The following CHST3 variants were observed in gnomAD, a reference collection of about 807,000 sequenced individuals.
The protein encoded by CHST3 is C6ST-1.
CHST3 carries 20 observed loss-of-function variants against 35.4 expected under a neutral mutation model. The ratio of observed to expected loss-of-function variants is 0.57; its 90% CI spans 0.40 to 0.82. The LOEUF (loss-of-function observed/expected upper bound fraction) is 0.82. CHST3 is among the 40% of genes least tolerant of loss of function. The pLI is 0.00. For synonymous variants in CHST3, 334 were observed against 295.9 expected (o/e 1.13, Z -1.32); for missense variants, 693 against 670.1 (o/e 1.03, Z -0.38).
chr10:71,992,749 C>CTCCCAGAT, intron 1 of CHST3, among the ~76,000 whole-genome samples: 1 of 151,466 alleles, frequency 6.6e-6, no homozygotes, highest in South Asian at 2.1e-4. Flanking sequence ...CAACCTCCAC[C>CTCCCAGAT]TCCCAGATTC....
At chr10:72,002,374 AC>A (rs1476479852) in intron 1 of CHST3, among the ~76,000 whole-genome samples, 2 of 152,204 alleles carry the variant, frequency 1.3e-5, no homozygotes, top group Non-Finnish European at 2.9e-5. Context: ...TCTATACCTT[AC>A]CAAGGTGCCA....
intron 1 of CHST3, among the ~76,000 whole-genome samples, chr10:71,996,992 A>C (rs1839947322): frequency 6.6e-6 from 1 of 152,108 alleles, no homozygotes; most frequent in Non-Finnish European, 1.5e-5. Flanking sequence ...CCTGGGCTCG[A>C]GCAATCTCCT....
At chr10:72,001,949 A>G (rs934807549) in intron 1 of CHST3, among the ~76,000 whole-genome samples, 10 of 152,148 alleles carry the variant, frequency 6.6e-5, no homozygotes, top group Non-Finnish European at 1.2e-4. Context: ...TGCTTCTTGT[A>G]AAGGGCCTCC....
chr10:71,966,245 TG>T (rs972473117), intron 1 of CHST3, among the ~76,000 whole-genome samples: 1 of 152,056 alleles, frequency 6.6e-6, no homozygotes, highest in Non-Finnish European at 1.5e-5. Context: ...TGGCTGGAGA[TG>T]GGTCTCATGA....
At chr10:71,969,336 G>A (rs1163514849) in intron 1 of CHST3, among the ~76,000 whole-genome samples, 2 of 152,232 alleles carry the variant, frequency 1.3e-5, no homozygotes, top group Non-Finnish European at 2.9e-5. Context: ...CATCTGCAAA[G>A]GCCTGGGACA....
intron 1 of CHST3, among the ~76,000 whole-genome samples, chr10:71,975,741 G>A (rs767513271): frequency 1.3e-5 from 2 of 152,248 alleles, no homozygotes; most frequent in Non-Finnish European, 2.9e-5. Context: ...GTCTGTGGGC[G>A]CAGATGCCAG....
chr10:71,994,101 AAAC>A (rs1839920122), intron 1 of CHST3, among the ~76,000 whole-genome samples: 1 of 151,632 alleles, frequency 6.6e-6, no homozygotes, highest in African/African-American at 2.4e-5. Context: ...CTCCATTCAA[AAAC>A]AACAACGAAA....
At chr10:71,966,971 A>G (rs1839637531) in intron 1 of CHST3, among the ~76,000 whole-genome samples, 1 of 152,104 alleles carries the variant, frequency 6.6e-6, no homozygotes, top group African/African-American at 2.4e-5. Flanking sequence ...AGATTATTTC[A>G]TCATCCAGGT....
intron 2 of CHST3, 49 bp downstream of exon 2, chr10:72,006,031 G>C (rs760118467): frequency 9.6e-6 from 14 of 1,465,040 alleles, no homozygotes; most frequent in Non-Finnish European, 1.2e-5. Context: ...GGTGGGGTGG[G>C]TGGGGACAGG....
intron 1 of CHST3, among the ~76,000 whole-genome samples, chr10:71,991,786 T>C (rs1184437391): frequency 4.0e-5 from 6 of 151,854 alleles, no homozygotes; most frequent in Non-Finnish European, 5.9e-5. Flanking sequence ...TACAAAAAAT[T>C]AGCCAGGCAT....
chr10:71,977,946 T>C (rs1839762657), intron 1 of CHST3, among the ~76,000 whole-genome samples: 1 of 152,194 alleles, frequency 6.6e-6, no homozygotes, highest in South Asian at 2.1e-4. Flanking sequence ...GGCTGAGAAG[T>C]GAAGTCCATG....
rs1462180997 is a variant in CHST3, at chr10:72,008,487, G to A, written c.*16G>A. 4 of 1,502,916 alleles carry A rather than the reference G, an allele frequency of 2.7e-6. No homozygotes were observed. The highest frequency in any genetic ancestry group is 2.7e-6 in the Non-Finnish European group (3 of 1,124,542). The allele number at this position is 1,502,916 out of a possible 1,614,324, so 93.1% of individuals were successfully genotyped here. ...GGTCACGTAGGGGGGCCGGGGCCCC[G>A]TATGCCCCTCCTCGTGAAAGGCCTG... On this transcript the variant is annotated 3_prime_UTR_variant, in exon 3 of 3. Coordinates refer to ENST00000373115, the MANE Select transcript of CHST3 (RefSeq NM_004273.5).
rs1410996965 is a variant in CHST3 at position 72,011,871 on chromosome 10, G to A, written c.*3400G>A. The A allele has an allele frequency of 1.3e-5, 2 of 152,148 alleles. No individual in the cohort carries two copies. Among genetic ancestry groups the A allele is most frequent in the African/African-American group, 4.8e-5 (2 of 41,402 alleles). The allele number at this position is 152,148 out of a possible 1,614,324, so 9.4% of individuals were successfully genotyped here. On this transcript the variant is annotated 3_prime_UTR_variant, in exon 3 of 3. Coordinates refer to ENST00000373115, the MANE Select transcript of CHST3 (RefSeq NM_004273.5). ...TGGATGAGGGCCCTGGAGGGTCCTT[G>A]GGAGTAGTTAGTGGAGGGCAGGATT...
intron 1 of CHST3, among the ~76,000 whole-genome samples, chr10:71,979,231 G>T (rs530631685): frequency 2.0e-5 from 3 of 152,280 alleles, no homozygotes; most frequent in African/African-American, 7.2e-5. Flanking sequence ...GCCTTGGGCG[G>T]GTCGCTCAGC....
chr10:71,993,396 G>A (rs1839914779), intron 1 of CHST3, among the ~76,000 whole-genome samples: 5 of 152,190 alleles, frequency 3.3e-5, no homozygotes, highest in Admixed American at 2.6e-4. Flanking sequence ...CACATCTGCA[G>A]TTCATTTCTC....
rs556456859 is a variant in CHST3, at chr10:72,011,878, G to C, written c.*3407G>C. On this transcript the variant is annotated 3_prime_UTR_variant, in exon 3 of 3. Transcript: ENST00000373115. ...GGGCCCTGGAGGGTCCTTGGGAGTA[G>C]TTAGTGGAGGGCAGGATTCTCAGGT... The C allele has an allele frequency of 6.6e-6, 1 of 152,306 alleles. No homozygotes were observed. Among genetic ancestry groups the C allele is most frequent in the African/African-American group, 2.4e-5 (1 of 41,530 alleles). 9.4% of individuals were successfully genotyped at this position (152,306 alleles called of 1,614,324 possible). A position where few individuals can be genotyped will look rare whatever the true frequency, so the allele number is the denominator to read the frequency against.
rs146892467 is a variant in CHST3, at chr10:72,012,979, C to G, written c.*4508C>G. 7.9e-5 allele frequency: 12 copies of G among 152,232 alleles called. No homozygotes were observed. Among genetic ancestry groups the G allele is most frequent in the African/African-American group, 2.9e-4 (12 of 41,436 alleles). The allele number at this position is 152,232 out of a possible 1,614,324, so 9.4% of individuals were successfully genotyped here. A position where few individuals can be genotyped will look rare whatever the true frequency, so the allele number is the denominator to read the frequency against. On this transcript the variant is annotated 3_prime_UTR_variant, in exon 3 of 3. Coordinates refer to ENST00000373115, the MANE Select transcript of CHST3 (RefSeq NM_004273.5). ...AACTGGACTGGGGACAAATTTGTTA[C>G]GTGTTTCCAAGGCTACAGACATGGC...
chr10:71,981,868 C>A (rs373849040), intron 1 of CHST3, among the ~76,000 whole-genome samples: 1 of 152,236 alleles, frequency 6.6e-6, no homozygotes, highest in Non-Finnish European at 1.5e-5. Flanking sequence ...GCACAGATTC[C>A]TCCCACCTCA....
chr10:72,003,681 G>C (rs1239824894), intron 1 of CHST3, among the ~76,000 whole-genome samples: 1 of 143,524 alleles, frequency 7.0e-6, no homozygotes, highest in African/African-American at 2.6e-5. Flanking sequence ...AGCCTGGGTT[G>C]CAGAGCAAGA....
Sources: gnomAD v4.1 joint callset for allele counts (sites outside exome capture counted in the v4.1 genomes callset) on GRCh38, gnomAD v4.1.1 for gene constraint, MANE v1.5 for transcripts, NCBI Gene and HGNC (gene_info 2026-07-23, HGNC 2026-07-21) for gene names.